Variants in PARP8 observed in about 807,000 individuals in gnomAD.
PARP8 encodes the protein protein mono-ADP-ribosyltransferase PARP8.
In PARP8, 51 loss-of-function variants were observed where a neutral mutation model predicts 124.1. The ratio of observed to expected loss-of-function variants is 0.41; its 90% CI spans 0.33 to 0.52. The LOEUF (loss-of-function observed/expected upper bound fraction) is 0.52, where lower values mean the gene tolerates loss of function less well. Among genes scored for constraint, PARP8 ranks in the 20% least tolerant of loss-of-function variants. PARP8 has a pLI of 0.21. For missense variants in PARP8, 860 were observed against 1,018.9 expected, an observed-to-expected ratio of 0.84 and a Z score of 2.12; for synonymous variants, 391 against 361.5, an observed-to-expected ratio of 1.08 and a Z score of -0.93.
intron 14 of PARP8, among the ~76,000 whole-genome samples, chr5:50,812,579 C>T (rs1744581080): frequency 6.6e-6 from 1 of 152,018 alleles, no homozygotes; most frequent in African/African-American, 2.4e-5. Context: ...TTTTGCTGTG[C>T]AGAAGCTCTT....
intron 7 of PARP8, among the ~76,000 whole-genome samples, chr5:50,765,705 C>T (rs1231435883): frequency 6.6e-6 from 1 of 152,092 alleles, no homozygotes; most frequent in African/African-American, 2.4e-5. Flanking sequence ...TTCCTAGAGT[C>T]TTCATGGTAC....
At chr5:50,675,892 C>G (rs1750576811) in intron 2 of PARP8, among the ~76,000 whole-genome samples, 2 of 152,130 alleles carry the variant, frequency 1.3e-5, no homozygotes, top group African/African-American at 2.4e-5. Flanking sequence ...GACTAGAACT[C>G]CAACTCCTAG....
At chr5:50,704,795 G>A (rs59087322) in intron 2 of PARP8, among the ~76,000 whole-genome samples, 2,245 of 152,202 alleles carry the variant, frequency 0.015, 57 homozygotes, top group African/African-American at 0.052. Flanking sequence ...AATTGCCAAC[G>A]TAGCTTGCAA....
At chr5:50,781,558 G>T (rs2149617145) in intron 9 of PARP8, among the ~76,000 whole-genome samples, 1 of 152,264 alleles carries the variant, frequency 6.6e-6, no homozygotes, top group Admixed American at 6.5e-5. Context: ...GAGCTCTGCT[G>T]GTGCCCTACC....
chr5:50,677,040 A>G (rs1418874167), intron 2 of PARP8, among the ~76,000 whole-genome samples: 1 of 152,188 alleles, frequency 6.6e-6, no homozygotes, highest in Non-Finnish European at 1.5e-5. Context: ...AGCTTTTGTG[A>G]TTCAGGAAAA....
intron 9 of PARP8, 24 bp from the exon 10 acceptor site, chr5:50,788,499 A>G: frequency 6.2e-7 from 1 of 1,606,122 alleles, no homozygotes; most frequent in South Asian, 1.1e-5. Flanking sequence ...TCAATATGTG[A>G]CTGTGATCCT....
chr5:50,691,842 G>A (rs571750885), intron 2 of PARP8, among the ~76,000 whole-genome samples: 19 of 152,152 alleles, frequency 1.2e-4, no homozygotes, highest in East Asian at 5.8e-4. Flanking sequence ...CCCATATTAC[G>A]CATGTGAAAA....
At position 50,733,489 on chromosome 5, in the gene PARP8, T is replaced by C. The variant is rs759129883; in HGVS notation, c.147-16662T>C. 4.1e-4 allele frequency among the ~76,000 whole-genome samples: 63 copies of C among 152,282 alleles called. 2 individuals carry two copies. Among genetic ancestry groups the C allele is most frequent in the South Asian group, 2.1e-4 (1 of 4,826 alleles). Reference sequence around the variant, plus strand: ...CTTGATGAAGTAGTTTTTTAAAGCCTCCTAAATGATGTCTTGATTTATTGA... The same window carrying C: ...CTTGATGAAGTAGTTTTTTAAAGCCCCCTAAATGATGTCTTGATTTATTGA... On this transcript the variant is annotated intron_variant, in intron 2 of 25. Coordinates refer to ENST00000281631, the MANE Select transcript of PARP8 (RefSeq NM_024615.4).
intron 2 of PARP8, among the ~76,000 whole-genome samples, chr5:50,717,596 G>A (rs1278184850): frequency 6.6e-6 from 1 of 151,962 alleles, no homozygotes; most frequent in Admixed American, 6.6e-5. Context: ...TGCAAGCAGA[G>A]AAAAAGGTTC....
At chr5:50,795,518 G>A (rs2149651237) in intron 12 of PARP8, 101 bp downstream of exon 12, 1 of 949,512 alleles carries the variant, frequency 1.1e-6, no homozygotes, top group Non-Finnish European at 1.5e-6. Context: ...GCAAAACTTT[G>A]TTTTAATTTA....
At chr5:50,721,727 A>G (rs138466002) in intron 2 of PARP8, among the ~76,000 whole-genome samples, 5 of 152,176 alleles carry the variant, frequency 3.3e-5, no homozygotes, top group East Asian at 1.9e-4. Flanking sequence ...TAAACATACT[A>G]GTGTCTTATT....
chr5:50,777,840 A>G (rs1305160483), intron 7 of PARP8, among the ~76,000 whole-genome samples: 1 of 152,226 alleles, frequency 6.6e-6, no homozygotes, highest in South Asian at 2.1e-4. Context: ...TTGATTTTAT[A>G]TATGCATGTG....
Position 50,754,469 on chromosome 5 carries a change from T to A in PARP8, c.184+4281T>A, listed in dbSNP as rs577356782. On this transcript the variant is annotated intron_variant, in intron 3 of 25. Coordinates refer to ENST00000281631, the MANE Select transcript of PARP8 (RefSeq NM_024615.4). The stretch of plus-strand genomic sequence containing the variant: ...TGTCCTTGCGATAGTTTGCTGAGAA[T>A]GATGGTTTCCAGCTTCATCCATGTC... 1.5e-3 allele frequency among the ~76,000 whole-genome samples: 225 copies of A among 152,068 alleles called. 1 individual carries two copies. Among genetic ancestry groups the A allele is most frequent in the African/African-American group, 5.1e-3 (212 of 41,460 alleles).
At chr5:50,697,865 A>G (rs1431372386) in intron 2 of PARP8, among the ~76,000 whole-genome samples, 1 of 152,194 alleles carries the variant, frequency 6.6e-6, no homozygotes, top group African/African-American at 2.4e-5. Flanking sequence ...CATATGGCAT[A>G]TATACTCTTG....
intron 2 of PARP8, among the ~76,000 whole-genome samples, chr5:50,735,268 C>T (rs778990120): frequency 8.6e-5 from 13 of 151,920 alleles, no homozygotes; most frequent in African/African-American, 1.7e-4. Context: ...ATCAATGTTG[C>T]GAATATCAAG....
chr5:50,723,010 G>C (rs1214017240), intron 2 of PARP8, among the ~76,000 whole-genome samples: 2 of 152,086 alleles, frequency 1.3e-5, no homozygotes, highest in Non-Finnish European at 2.9e-5. Context: ...ATGATTTGCT[G>C]ATTAAAGATG....
intron 5 of PARP8, 33 bp downstream of exon 5, chr5:50,760,395 C>T: frequency 7.1e-7 from 1 of 1,418,410 alleles, no homozygotes; most frequent in Non-Finnish European, 9.6e-7. Context: ...TTTCTTGAAA[C>T]AGTATAGATA....
chr5:50,744,827 T>A (rs1199151355), intron 2 of PARP8: 1 of 683,898 alleles, frequency 1.5e-6, no homozygotes, highest in African/African-American at 1.8e-5. Context: ...TGCTTTCTTC[T>A]CATGTCCACC....
At chr5:50,738,850 A>G (rs1218014642) in intron 2 of PARP8, 1 of 607,806 alleles carries the variant, frequency 1.6e-6, no homozygotes, top group African/African-American at 1.8e-5. Flanking sequence ...TGGCTTAAAC[A>G]GTAAAAAGGA....
Sources: gnomAD v4.1 joint callset for allele counts (sites outside exome capture counted in the v4.1 genomes callset) on GRCh38, gnomAD v4.1.1 for gene constraint, MANE v1.5 for transcripts, NCBI Gene and HGNC (gene_info 2026-07-23, HGNC 2026-07-21) for gene names.